Variants in DPYD observed in about 807,000 individuals in gnomAD.
The protein encoded by DPYD is dihydropyrimidine dehydrogenase.
DPYD carries 109 observed loss-of-function variants against 116.2 expected under a neutral mutation model. The observed-to-expected ratio is 0.94, with a 90% CI of 0.80 to 1.10. The LOEUF (loss-of-function observed/expected upper bound fraction) is 1.10. DPYD is among the 50% of genes least tolerant of loss of function. The pLI, the probability that DPYD is intolerant of heterozygous loss-of-function variation, is 0.00. For missense variants in DPYD, 1,302 were observed against 1,254.5 expected (o/e 1.04, Z -0.57); for synonymous variants, 440 against 432.0 (o/e 1.02, Z -0.23).
At chr1:97,733,062 G>T (rs1446745225) in intron 4 of DPYD, among the ~76,000 whole-genome samples, 1 of 151,950 alleles carries the variant, frequency 6.6e-6, no homozygotes, top group Non-Finnish European at 1.5e-5. Flanking sequence ...TTTGAAAATA[G>T]ATCTAAATAA....
chr1:97,765,707 C>G (rs1665812249), intron 3 of DPYD, among the ~76,000 whole-genome samples: 1 of 152,120 alleles, frequency 6.6e-6, no homozygotes, highest in Admixed American at 6.5e-5. Context: ...TTCTAGGCCA[C>G]TGGGTTGGGA....
At chr1:97,191,087 AACAC>A (rs958379556) in intron 20 of DPYD, among the ~76,000 whole-genome samples, 1 of 134,340 alleles carries the variant, frequency 7.4e-6, no homozygotes, top group Non-Finnish European at 1.6e-5. Context: ...CGTACATACA[AACAC>A]ACACACACAC....
chr1:97,777,535 T>C (rs1180814892), intron 3 of DPYD, among the ~76,000 whole-genome samples: 2 of 152,188 alleles, frequency 1.3e-5, no homozygotes, highest in Admixed American at 6.5e-5. Context: ...CACAGAACTT[T>C]TGACACCTAT....
chr1:97,125,986 C>T (rs1348377886), intron 20 of DPYD, among the ~76,000 whole-genome samples: 1 of 151,986 alleles, frequency 6.6e-6, no homozygotes, highest in East Asian at 1.9e-4. Flanking sequence ...TTATATCATT[C>T]CTTTCTTTTG....
At chr1:97,621,724 G>A (rs571662873) in intron 8 of DPYD, among the ~76,000 whole-genome samples, 1 of 152,000 alleles carries the variant, frequency 6.6e-6, no homozygotes, top group Non-Finnish European at 1.5e-5. Context: ...GGCCCCCTTG[G>A]AGAAACACCT....
intron 18 of DPYD, among the ~76,000 whole-genome samples, chr1:97,245,416 T>G (rs1434160599): frequency 1.3e-5 from 2 of 152,134 alleles, no homozygotes; most frequent in African/African-American, 4.8e-5. Context: ...AAGGTTTACC[T>G]ATAAGTATAA....
At chr1:97,888,189 G>A (rs569152207) in intron 1 of DPYD, among the ~76,000 whole-genome samples, 3 of 151,936 alleles carry the variant, frequency 2.0e-5, no homozygotes, top group Non-Finnish European at 4.4e-5. Context: ...CAACAAGCAG[G>A]CATTCTGGTC....
At chr1:97,229,696 T>C (rs1361742667) in intron 19 of DPYD, among the ~76,000 whole-genome samples, 2 of 151,400 alleles carry the variant, frequency 1.3e-5, no homozygotes, top group African/African-American at 4.8e-5. Context: ...AATCTTTAAA[T>C]TTCTACAGAT....
intron 13 of DPYD, among the ~76,000 whole-genome samples, chr1:97,473,818 G>A (rs918804404): frequency 1.3e-5 from 2 of 151,966 alleles, no homozygotes; most frequent in African/African-American, 4.8e-5. Flanking sequence ...ACCAGCCTGG[G>A]CAACATGGCA....
intron 14 of DPYD, among the ~76,000 whole-genome samples, chr1:97,391,051 T>C (rs1570651233): frequency 1.3e-5 from 2 of 149,960 alleles, no homozygotes; most frequent in South Asian, 2.1e-4. Flanking sequence ...TTTTCCTCTT[T>C]TTTTTTTTTT....
At chr1:97,194,717 A>G (rs1339146893) in intron 19 of DPYD, among the ~76,000 whole-genome samples, 1 of 151,842 alleles carries the variant, frequency 6.6e-6, no homozygotes, top group African/African-American at 2.4e-5. Flanking sequence ...GCTGGCTAGG[A>G]TGGCCTCAAT....
intron 13 of DPYD, among the ~76,000 whole-genome samples, chr1:97,476,295 C>T (rs1418230527): frequency 6.6e-6 from 1 of 152,140 alleles, no homozygotes; most frequent in Non-Finnish European, 1.5e-5. Flanking sequence ...AAAATAACTG[C>T]TGCTGGGAAG....
At chr1:97,633,591 C>CA (rs1370022471) in intron 8 of DPYD, among the ~76,000 whole-genome samples, 1 of 151,940 alleles carries the variant, frequency 6.6e-6, no homozygotes, top group African/African-American at 2.4e-5. Flanking sequence ...GAAAAAAAAC[C>CA]AAAAAACTTT....
intron 2 of DPYD, among the ~76,000 whole-genome samples, chr1:97,838,851 CA>C (rs572276546): frequency 0.11 from 14,491 of 137,104 alleles, 830 homozygotes; most frequent in Admixed American, 0.16. Context: ...GACTCCGTCT[CA>C]AAAAAAAAAA....
intron 18 of DPYD, among the ~76,000 whole-genome samples, chr1:97,271,840 C>G (rs1664600818): frequency 6.6e-6 from 1 of 152,106 alleles, no homozygotes; most frequent in Non-Finnish European, 1.5e-5. Context: ...CAAGCATGTT[C>G]CCTGATGATT....
chr1:97,088,814 T>C (rs1649702421), intron 21 of DPYD, among the ~76,000 whole-genome samples: 1 of 152,162 alleles, frequency 6.6e-6, no homozygotes, highest in Non-Finnish European at 1.5e-5. Context: ...TTTACCAAAT[T>C]CTCTTCAGTT....
At chr1:97,134,091 T>C (rs1323796517) in intron 20 of DPYD, among the ~76,000 whole-genome samples, 1 of 138,062 alleles carries the variant, frequency 7.2e-6, no homozygotes. Flanking sequence ...AGGTAGAGAC[T>C]GTTAAGGTGT....
chr1:97,169,333 T>C (rs1656551780), intron 20 of DPYD, among the ~76,000 whole-genome samples: 1 of 152,132 alleles, frequency 6.6e-6, no homozygotes, highest in African/African-American at 2.4e-5. Context: ...ACTGATGATA[T>C]CAGTAATCCA....
intron 6 of DPYD, among the ~76,000 whole-genome samples, chr1:97,693,404 A>G: frequency 6.6e-6 from 1 of 151,952 alleles, no homozygotes; most frequent in East Asian, 1.9e-4. Context: ...ATACAAGATG[A>G]TGTTTAAGAA....
Sources: allele counts gnomAD v4.1 joint callset (sites outside exome capture counted in the v4.1 genomes callset), GRCh38; gene constraint gnomAD v4.1.1; transcripts MANE v1.5; gene names NCBI Gene and HGNC (gene_info 2026-07-23, HGNC 2026-07-21).